The following RFFL variants were observed in gnomAD, a reference collection of about 807,000 sequenced individuals.
The protein encoded by RFFL is ring finger and FYVE like domain containing E3 ubiquitin protein ligase, also known as E3 ubiquitin-protein ligase rififylin.
In RFFL, 16 loss-of-function variants were observed where a neutral mutation model predicts 40.4. The ratio of observed to expected loss-of-function variants is 0.40; its 90% confidence interval spans 0.27 to 0.60. RFFL has a LOEUF of 0.60. Among genes scored for constraint, RFFL ranks in the 20% least tolerant of loss-of-function variants. RFFL has a pLI of 0.47. For synonymous variants in RFFL, 154 were observed against 167.9 expected, an observed-to-expected ratio of 0.92 and a Z score of 0.64; for missense variants, 367 against 451.7, an observed-to-expected ratio of 0.81 and a Z score of 1.70.
chr17:35,072,220 G>A (rs1028839300), intron 1 of RFFL, among the ~76,000 whole-genome samples: 2 of 151,004 alleles, frequency 1.3e-5, no homozygotes, highest in Non-Finnish European at 2.9e-5. Flanking sequence ...GGCAGAGGTT[G>A]CAGTAAGCTG....
At chr17:35,046,316 T>C (rs2091200111) in intron 1 of RFFL, among the ~76,000 whole-genome samples, 1 of 152,116 alleles carries the variant, frequency 6.6e-6, no homozygotes, top group African/African-American at 2.4e-5. Context: ...TGTTTTGGAT[T>C]GGAATGGTGC....
intron 1 of RFFL, among the ~76,000 whole-genome samples, chr17:35,057,392 T>C (rs957883131): frequency 1.3e-5 from 2 of 152,022 alleles, no homozygotes; most frequent in Admixed American, 1.3e-4. Flanking sequence ...AATTATTTAT[T>C]GCCCCAGGGC....
At chr17:35,051,734 G>A (rs891251598) in intron 1 of RFFL, among the ~76,000 whole-genome samples, 5 of 152,166 alleles carry the variant, frequency 3.3e-5, no homozygotes, top group African/African-American at 1.2e-4. Context: ...TTAAACGCTG[G>A]CCCCTTTTCA....
chr17:35,060,789 G>A (rs1357498277), intron 1 of RFFL, among the ~76,000 whole-genome samples: 1 of 152,148 alleles, frequency 6.6e-6, no homozygotes, highest in Non-Finnish European at 1.5e-5. Flanking sequence ...TTTGAGCCCG[G>A]AGATCCACGT....
At chr17:35,012,193 G>A in intron 6 of RFFL, 44 bp from the exon 7 acceptor site, 1 of 1,576,614 alleles carries the variant, frequency 6.3e-7, no homozygotes. Flanking sequence ...AGAGGAGTGA[G>A]GAGAATGTCT....
At chr17:35,072,873 G>A (rs1276057552) in intron 1 of RFFL, among the ~76,000 whole-genome samples, 3 of 152,080 alleles carry the variant, frequency 2.0e-5, no homozygotes, top group East Asian at 1.9e-4. Context: ...GAGAAACTCC[G>A]TCTCTACTCA....
intron 2 of RFFL, among the ~76,000 whole-genome samples, chr17:35,024,456 C>T (rs2091028718): frequency 6.6e-6 from 1 of 152,102 alleles, no homozygotes; most frequent in South Asian, 2.1e-4. Flanking sequence ...AGGCTGGGTG[C>T]CAGACTCCCT....
In RFFL at chr17:35,009,836, A is replaced by G. The variant is rs1470170739; in HGVS notation, c.*2132T>C. The G allele has an allele frequency of 6.6e-6, 1 of 152,670 alleles. No individual in the cohort carries two copies. The highest frequency in any genetic ancestry group is 1.5e-5 in the Non-Finnish European group (1 of 68,052). The allele number at this position is 152,670 out of a possible 1,614,324, so 9.5% of individuals were successfully genotyped here. On this transcript the variant is annotated 3_prime_UTR_variant, in exon 7 of 7. Coordinates refer to ENST00000394597, the MANE Select transcript of RFFL (RefSeq NM_001017368.2). The stretch of plus-strand genomic sequence containing the variant: ...CAGCTTCTGCCCTTAAGTTACTGCT[A>G]GATCTTAGCTGAATTGCACATACAT...
chr17:35,072,073 G>C (rs1450091800), intron 1 of RFFL, among the ~76,000 whole-genome samples: 2 of 152,068 alleles, frequency 1.3e-5, no homozygotes, highest in African/African-American at 4.8e-5. Context: ...TTGAGCTCAG[G>C]AGTTCAAGAC....
chr17:35,015,500 A>G (rs1173093818), intron 5 of RFFL, among the ~76,000 whole-genome samples: 2 of 152,160 alleles, frequency 1.3e-5, no homozygotes, highest in Non-Finnish European at 2.9e-5. Context: ...AACAATCCCA[A>G]AGGGAAAACA....
intron 1 of RFFL, among the ~76,000 whole-genome samples, chr17:35,083,650 G>T (rs2091413929): frequency 6.6e-6 from 1 of 151,940 alleles, no homozygotes; most frequent in Admixed American, 6.6e-5. Flanking sequence ...ACATGGTGGC[G>T]CATGTCTGTA....
intron 1 of RFFL, among the ~76,000 whole-genome samples, chr17:35,033,901 G>A (rs970265248): frequency 6.6e-6 from 1 of 151,882 alleles, no homozygotes; most frequent in Non-Finnish European, 1.5e-5. Context: ...CCAGCACTCT[G>A]GGAGGCCGAG....
chr17:35,046,707 T>C (rs2091202053), intron 1 of RFFL, among the ~76,000 whole-genome samples: 1 of 152,230 alleles, frequency 6.6e-6, no homozygotes, highest in Non-Finnish European at 1.5e-5. Flanking sequence ...GTTTCAACTA[T>C]TCTATGACAA....
intron 3 of RFFL, 65 bp from the exon 4 acceptor site, chr17:35,017,671 CTT>C: frequency 9.5e-7 from 1 of 1,056,658 alleles, no homozygotes; most frequent in Admixed American, 2.0e-5. Flanking sequence ...GCATGGGCCT[CTT>C]TTCAACTCAC....
At chr17:35,012,527 G>A (rs914897243) in intron 6 of RFFL, among the ~76,000 whole-genome samples, 3 of 152,198 alleles carry the variant, frequency 2.0e-5, no homozygotes, top group Admixed American at 6.5e-5. Context: ...ATTATCCCCT[G>A]AGGCAGAACA....
At chr17:35,083,600 G>A (rs2091413371) in intron 1 of RFFL, among the ~76,000 whole-genome samples, 1 of 151,886 alleles carries the variant, frequency 6.6e-6, no homozygotes, top group Non-Finnish European at 1.5e-5. Flanking sequence ...GGCCAACATG[G>A]TGAAACCCCA....
At chr17:35,065,852 G>C (rs941519742), upstream of RFFL, among the ~76,000 whole-genome samples, 4 of 152,214 alleles carry the variant, frequency 2.6e-5, no homozygotes, top group Non-Finnish European at 5.9e-5. Context: ...GTACTCGTTT[G>C]AACTAGTGGT....
intron 3 of RFFL, among the ~76,000 whole-genome samples, chr17:35,019,451 T>C (rs750225855): frequency 6.6e-5 from 10 of 152,146 alleles, no homozygotes; most frequent in Middle Eastern, 3.4e-3. Flanking sequence ...ATGATCATGG[T>C]TCACTGCAGC....
At chr17:35,037,522 ACT>A (rs1156913618) in intron 1 of RFFL, among the ~76,000 whole-genome samples, 2 of 152,146 alleles carry the variant, frequency 1.3e-5, no homozygotes, top group Non-Finnish European at 2.9e-5. Context: ...GAAAGTAGCC[ACT>A]CTCTGCTGGA....
Sources: allele counts gnomAD v4.1 joint callset (sites outside exome capture counted in the v4.1 genomes callset), GRCh38; gene constraint gnomAD v4.1.1; transcripts MANE v1.5; gene names NCBI Gene and HGNC (gene_info 2026-07-23, HGNC 2026-07-21).